ABTB3: variants seen among roughly 807,000 people sequenced by gnomAD.
The protein encoded by ABTB3 is ankyrin repeat and BTB domain containing 3, also known as ankyrin repeat- and BTB/POZ domain-containing protein 3.
At chr12:107,395,070 C>T in the ABTB3 span, among the ~76,000 whole-genome samples, 1 of 152,232 alleles carries the variant, frequency 6.6e-6, no homozygotes, top group Non-Finnish European at 1.5e-5. Flanking sequence ...AGGTGCTCAC[C>T]CTCATCAGCA....
the ABTB3 span, among the ~76,000 whole-genome samples, chr12:107,500,990 T>C: frequency 6.6e-6 from 1 of 152,200 alleles, no homozygotes; most frequent in South Asian, 2.1e-4. Flanking sequence ...GACTAGGTTC[T>C]AGTCCTAGCT....
chr12:107,593,396 G>A, the ABTB3 span, among the ~76,000 whole-genome samples: 1 of 152,180 alleles, frequency 6.6e-6, no homozygotes, highest in Non-Finnish European at 1.5e-5. Context: ...TTGGGGATTG[G>A]AACACTAGAA....
chr12:107,614,190 G>A, the ABTB3 span, among the ~76,000 whole-genome samples: 3 of 152,236 alleles, frequency 2.0e-5, no homozygotes, highest in South Asian at 2.1e-4. Context: ...CTCCATGTGG[G>A]TGCTGATCTT....
the ABTB3 span, among the ~76,000 whole-genome samples, chr12:107,525,200 G>A: frequency 5.3e-5 from 8 of 151,566 alleles, no homozygotes; most frequent in African/African-American, 1.5e-4. Flanking sequence ...GGTGGCATGC[G>A]CCTGTAGTCC....
chr12:107,618,954 C>A, the ABTB3 span, among the ~76,000 whole-genome samples: 1 of 152,176 alleles, frequency 6.6e-6, no homozygotes, highest in Non-Finnish European at 1.5e-5. Context: ...CTTGGGTAAG[C>A]TAGCCCAGAG....
At chr12:107,509,077 G>T in the ABTB3 span, among the ~76,000 whole-genome samples, 1 of 152,162 alleles carries the variant, frequency 6.6e-6, no homozygotes, top group African/African-American at 2.4e-5. Context: ...CACAAGTCCT[G>T]CCAGGTCCCA....
chr12:107,505,036 G>A, the ABTB3 span, among the ~76,000 whole-genome samples: 3 of 152,176 alleles, frequency 2.0e-5, no homozygotes, highest in African/African-American at 7.2e-5. Flanking sequence ...ACACAGAAGT[G>A]GAGAGCTGGT....
chr12:107,581,239 C>A, the ABTB3 span: 1 of 1,526,228 alleles, frequency 6.6e-7, no homozygotes, highest in African/African-American at 1.4e-5. Context: ...CCATGGACAG[C>A]GACGACGTCC....
the ABTB3 span, among the ~76,000 whole-genome samples, chr12:107,572,795 G>C: frequency 6.6e-6 from 1 of 152,148 alleles, no homozygotes; most frequent in Non-Finnish European, 1.5e-5. Context: ...AGGATGTGTA[G>C]CTGTTTGCAG....
At chr12:107,595,088 G>A in the ABTB3 span, among the ~76,000 whole-genome samples, 3 of 152,062 alleles carry the variant, frequency 2.0e-5, no homozygotes, top group African/African-American at 7.2e-5. Context: ...ACTGACCTAT[G>A]CAAACCTAAA....
chr12:107,555,233 G>T, the ABTB3 span, among the ~76,000 whole-genome samples: 1 of 152,178 alleles, frequency 6.6e-6, no homozygotes, highest in Non-Finnish European at 1.5e-5. Flanking sequence ...GATTAGATAG[G>T]TGTCCTCCCT....
At chr12:107,482,975 T>TCTTC in the ABTB3 span, among the ~76,000 whole-genome samples, 1 of 43,012 alleles carries the variant, frequency 2.3e-5, no homozygotes, top group East Asian at 5.2e-4. Flanking sequence ...TTTCTTTCTT[T>TCTTC]CTTTCTTTCT....
chr12:107,587,581 A>C, the ABTB3 span, among the ~76,000 whole-genome samples: 2 of 152,226 alleles, frequency 1.3e-5, no homozygotes, highest in Non-Finnish European at 2.9e-5. Context: ...GTTGCACAAC[A>C]GTGTGAATAT....
At chr12:107,429,531 G>C in the ABTB3 span, among the ~76,000 whole-genome samples, 4 of 152,160 alleles carry the variant, frequency 2.6e-5, no homozygotes, top group African/African-American at 9.7e-5. Context: ...CTGGGCTCTT[G>C]GGCATTTGTC....
At chr12:107,586,841 T>G in the ABTB3 span, among the ~76,000 whole-genome samples, 1 of 152,270 alleles carries the variant, frequency 6.6e-6, no homozygotes, top group Admixed American at 6.5e-5. Flanking sequence ...TACAGAAGAA[T>G]GTGGTGACTG....
At chr12:107,482,978 T>TTC in the ABTB3 span, among the ~76,000 whole-genome samples, 1 of 26,154 alleles carries the variant, frequency 3.8e-5, no homozygotes, top group Non-Finnish European at 8.8e-5. Flanking sequence ...CTTTCTTTCT[T>TTC]TCTTTCTTTC....
chr12:107,469,018 G>A, the ABTB3 span, among the ~76,000 whole-genome samples: 1 of 152,156 alleles, frequency 6.6e-6, no homozygotes, highest in Non-Finnish European at 1.5e-5. Flanking sequence ...GCAAAAGTAG[G>A]CAGGAAGACA....
the ABTB3 span, among the ~76,000 whole-genome samples, chr12:107,589,217 G>C: frequency 6.6e-6 from 1 of 152,192 alleles, no homozygotes; most frequent in Non-Finnish European, 1.5e-5. Context: ...GGACCAAGAA[G>C]GTCAGTTCTT....
chr12:107,651,722 T>G, the ABTB3 span: 1 of 1,614,204 alleles, frequency 6.2e-7, no homozygotes, highest in Non-Finnish European at 8.5e-7. Flanking sequence ...GCAGCGACAC[T>G]GTGAGATTAT....
Sources: allele counts gnomAD v4.1 joint callset (sites outside exome capture counted in the v4.1 genomes callset), GRCh38; gene constraint gnomAD v4.1.1; transcripts MANE v1.5; gene names NCBI Gene and HGNC (gene_info 2026-07-23, HGNC 2026-07-21).